The following ASAP1 variants were observed in gnomAD, a reference collection of about 807,000 sequenced individuals.
ASAP1 encodes ArfGAP with SH3 domain, ankyrin repeat and PH domain 1.
Under a neutral mutation model 145.2 loss-of-function variants are expected in ASAP1, and 43 were observed. The observed-to-expected ratio is 0.30, with a 90% CI of 0.23 to 0.38. ASAP1 has a LOEUF of 0.38. Among genes scored for constraint, ASAP1 ranks in the 10% least tolerant of loss-of-function variants. ASAP1 has a pLI of 1.00. For missense variants in ASAP1, 1,018 were observed against 1,355.3 expected (o/e 0.75, Z 3.91); for synonymous variants, 546 against 515.5 (o/e 1.06, Z -0.80).
chr8:130,156,406 G>A (rs1262917402), intron 12 of ASAP1, among the ~76,000 whole-genome samples: 1 of 152,192 alleles, frequency 6.6e-6, no homozygotes, highest in Non-Finnish European at 1.5e-5. Context: ...TGATCCAACA[G>A]CTCTGTCTGT....
intron 3 of ASAP1, among the ~76,000 whole-genome samples, chr8:130,354,962 T>C (rs993782797): frequency 3.3e-5 from 5 of 152,204 alleles, no homozygotes; most frequent in Admixed American, 6.5e-5. Flanking sequence ...CTTGGCTCAT[T>C]GTAACCTCGG....
intron 24 of ASAP1, among the ~76,000 whole-genome samples, chr8:130,106,640 G>A (rs2097537232): frequency 6.6e-6 from 1 of 152,236 alleles, no homozygotes; most frequent in Admixed American, 6.5e-5. Flanking sequence ...TGCTTTCACT[G>A]ATTCTTTCTG....
chr8:130,098,728 G>A (rs1023465915), intron 24 of ASAP1, among the ~76,000 whole-genome samples: 3 of 152,164 alleles, frequency 2.0e-5, no homozygotes, highest in African/African-American at 7.2e-5. Flanking sequence ...AATGTGTAAT[G>A]ATCAAATCAG....
chr8:130,147,432 T>C (rs1485413581), intron 13 of ASAP1, among the ~76,000 whole-genome samples: 1 of 152,132 alleles, frequency 6.6e-6, no homozygotes, highest in Non-Finnish European at 1.5e-5. Context: ...AAATCCTCAC[T>C]AGAGATTCAG....
At chr8:130,091,270 G>A (rs1176314281) in intron 25 of ASAP1, among the ~76,000 whole-genome samples, 2 of 152,194 alleles carry the variant, frequency 1.3e-5, no homozygotes, top group African/African-American at 4.8e-5. Flanking sequence ...CTTACATTCT[G>A]TGATAAGGTG....
chr8:130,229,146 T>G (rs1408848917), intron 4 of ASAP1, among the ~76,000 whole-genome samples: 1 of 152,214 alleles, frequency 6.6e-6, no homozygotes, highest in Non-Finnish European at 1.5e-5. Context: ...AACAATCTGC[T>G]TGACTTGCAT....
intron 24 of ASAP1, among the ~76,000 whole-genome samples, chr8:130,092,904 T>C (rs1657565303): frequency 6.6e-6 from 1 of 151,318 alleles, no homozygotes; most frequent in African/African-American, 2.4e-5. Context: ...CTACAACTTT[T>C]TCTTCTAGTC....
At chr8:130,157,558 A>ACTCTC (rs2097660451) in intron 12 of ASAP1, among the ~76,000 whole-genome samples, 1 of 152,072 alleles carries the variant, frequency 6.6e-6, no homozygotes, top group African/African-American at 2.4e-5. Context: ...CTTCCAAAAC[A>ACTCTC]TGTTGGATTA....
intron 3 of ASAP1, among the ~76,000 whole-genome samples, chr8:130,251,245 G>A (rs1243555069): frequency 1.3e-5 from 2 of 151,802 alleles, no homozygotes; most frequent in South Asian, 2.1e-4. Context: ...TAGCGAAACC[G>A]CATTTCTACT....
chr8:130,398,467 GA>G (rs1334004093), intron 2 of ASAP1, among the ~76,000 whole-genome samples: 1 of 152,212 alleles, frequency 6.6e-6, no homozygotes, highest in Non-Finnish European at 1.5e-5. Flanking sequence ...AGCAGCAGCA[GA>G]AGTGACAGTA....
At chr8:130,202,710 G>C (rs757223784) in intron 5 of ASAP1, among the ~76,000 whole-genome samples, 1 of 152,168 alleles carries the variant, frequency 6.6e-6, no homozygotes, top group Non-Finnish European at 1.5e-5. Flanking sequence ...GCTTTCTAGA[G>C]GAATGAATGA....
intron 2 of ASAP1, among the ~76,000 whole-genome samples, chr8:130,385,353 T>C (rs1056738683): frequency 2.0e-5 from 3 of 151,952 alleles, no homozygotes; most frequent in Non-Finnish European, 4.4e-5. Flanking sequence ...GAGACTTGAG[T>C]GTGTCTAATT....
intron 1 of ASAP1, among the ~76,000 whole-genome samples, chr8:130,422,611 A>C (rs1417216128): frequency 6.6e-6 from 1 of 152,190 alleles, no homozygotes; most frequent in African/African-American, 2.4e-5. Flanking sequence ...CTGTGCTCCC[A>C]AAACTCTCTC....
intron 1 of ASAP1, among the ~76,000 whole-genome samples, chr8:130,414,774 T>C (rs1355360062): frequency 6.6e-6 from 1 of 152,018 alleles, no homozygotes; most frequent in African/African-American, 2.4e-5. Flanking sequence ...TTTTTTTTTT[T>C]TGAGACAGGG....
chr8:130,345,138 C>A (rs2137971200), intron 3 of ASAP1, among the ~76,000 whole-genome samples: 1 of 152,202 alleles, frequency 6.6e-6, no homozygotes, highest in Non-Finnish European at 1.5e-5. Flanking sequence ...TGTTGCCTAA[C>A]AAAGTGTTGT....
At chr8:130,305,848 C>T (rs777712195) in intron 3 of ASAP1, among the ~76,000 whole-genome samples, 9 of 152,184 alleles carry the variant, frequency 5.9e-5, no homozygotes, top group Non-Finnish European at 1.0e-4. Context: ...TTCACTGGCA[C>T]CCCCTCAAGG....
intron 3 of ASAP1, among the ~76,000 whole-genome samples, chr8:130,348,481 C>CA (rs1436822300): frequency 9.2e-5 from 14 of 152,182 alleles, no homozygotes; most frequent in African/African-American, 3.4e-4. Flanking sequence ...TCAGTTCTTA[C>CA]ACAACTGACC....
intron 1 of ASAP1, among the ~76,000 whole-genome samples, chr8:130,414,875 G>C (rs1260489954): frequency 1.3e-5 from 2 of 151,788 alleles, no homozygotes; most frequent in Non-Finnish European, 2.9e-5. Context: ...TCCTGCCTCA[G>C]CGTCCTAAGT....
chr8:130,108,567 G>C (rs1003466139), intron 24 of ASAP1, among the ~76,000 whole-genome samples: 3 of 152,094 alleles, frequency 2.0e-5, no homozygotes, highest in Admixed American at 2.0e-4. Context: ...GGGAGGCCGA[G>C]GCAGGTGGAC....
Sources: allele counts gnomAD v4.1 joint callset (sites outside exome capture counted in the v4.1 genomes callset), GRCh38; gene constraint gnomAD v4.1.1; transcripts MANE v1.5; gene names NCBI Gene and HGNC (gene_info 2026-07-23, HGNC 2026-07-21).